Variants in GAPVD1 observed in about 807,000 individuals in gnomAD.
GAPVD1 encodes the protein GTPase activating protein and VPS9 domains 1, also known as GTPase-activating protein and VPS9 domain-containing protein 1.
In GAPVD1, 35 loss-of-function variants were observed where a neutral mutation model predicts 155.5. The observed-to-expected ratio is 0.23, with a 90% CI of 0.17 to 0.30. The LOEUF (loss-of-function observed/expected upper bound fraction) is 0.30, where lower values mean the gene tolerates loss of function less well. Ranked by LOEUF, GAPVD1 falls within the 10% of genes least tolerant of loss-of-function variation. The pLI, the probability that GAPVD1 is intolerant of heterozygous loss-of-function variation, is 1.00. For missense variants in GAPVD1, 1,429 were observed against 1,775.7 expected (o/e 0.80, Z 3.51); for synonymous variants, 636 against 619.7 (o/e 1.03, Z -0.39).
At chr9:125,304,932 C>A in intron 5 of GAPVD1, 131 bp from the exon 6 acceptor site, 1 of 507,384 alleles carries the variant, frequency 2.0e-6, no homozygotes, top group Admixed American at 3.5e-5. Context: ...TTTCATATGC[C>A]TGGTCAGGTG....
chr9:125,299,840 G>A (rs900706296), intron 4 of GAPVD1, among the ~76,000 whole-genome samples: 1 of 147,148 alleles, frequency 6.8e-6, no homozygotes, highest in African/African-American at 2.5e-5. Context: ...CCAAGATGAT[G>A]AAACCCCATC....
intron 9 of GAPVD1, among the ~76,000 whole-genome samples, chr9:125,318,766 A>G (rs971454658): frequency 2.0e-5 from 3 of 151,890 alleles, no homozygotes; most frequent in Admixed American, 1.3e-4. Flanking sequence ...AAATAAAAAA[A>G]TTTCCAGGGA....
intron 2 of GAPVD1, among the ~76,000 whole-genome samples, chr9:125,277,506 A>G (rs951461131): frequency 1.3e-5 from 2 of 152,156 alleles, no homozygotes; most frequent in Non-Finnish European, 2.9e-5. Context: ...CTGGAAAGTC[A>G]TGTATCCCTA....
chr9:125,297,594 T>C (rs956766887), intron 3 of GAPVD1, among the ~76,000 whole-genome samples: 4 of 152,158 alleles, frequency 2.6e-5, no homozygotes, highest in African/African-American at 9.7e-5. Flanking sequence ...GCAGATGTTC[T>C]GGAGCTGTGT....
rs1026586652 is a variant in GAPVD1 at position 125,333,348 on chromosome 9, G to A, written c.2428+719G>A. ...ACCTGCCTCGGCCTCCCAAAGTGCT[G>A]GGAGTACAGGTGTGAGCCACCGCAC... On this transcript the variant is annotated intron_variant, in intron 15 of 27. Coordinates refer to ENST00000297933, the MANE Select transcript of GAPVD1 (RefSeq NM_001282680.3). Among the ~76,000 whole-genome samples the A allele has an allele frequency of 6.6e-5, 10 of 151,998 alleles. 1 individual carries two copies. Among genetic ancestry groups the A allele is most frequent in the Admixed American group, 3.9e-4 (6 of 15,248 alleles).
chr9:125,332,145 T>C, intron 14 of GAPVD1, 85 bp downstream of exon 14: 2 of 1,273,492 alleles, frequency 1.6e-6, no homozygotes, highest in Non-Finnish European at 2.2e-6. Context: ...TACAAAAAGA[T>C]ATGTTATATT....
chr9:125,335,406 G>T (rs560484356), intron 15 of GAPVD1, among the ~76,000 whole-genome samples: 24 of 151,604 alleles, frequency 1.6e-4, no homozygotes, highest in Admixed American at 8.6e-4. Flanking sequence ...GGCTGGGCGC[G>T]GTGGCTCACG....
At chr9:125,351,362 T>G (rs1849270389) in intron 23 of GAPVD1, among the ~76,000 whole-genome samples, 2 of 152,294 alleles carry the variant, frequency 1.3e-5, no homozygotes, top group East Asian at 3.9e-4. Flanking sequence ...TGCCCCTTGC[T>G]TCTCCCAACT....
chr9:125,279,839 C>T (rs1171029833), intron 2 of GAPVD1, among the ~76,000 whole-genome samples: 10 of 150,700 alleles, frequency 6.6e-5, no homozygotes, highest in Admixed American at 2.6e-4. Context: ...TGGCTCCCTG[C>T]AACCTATGCT....
chr9:125,289,280 C>T (rs759822880), intron 2 of GAPVD1, among the ~76,000 whole-genome samples: 6 of 152,026 alleles, frequency 3.9e-5, no homozygotes, highest in Non-Finnish European at 5.9e-5. Flanking sequence ...CACGGGAGCC[C>T]TATGATTTGA....
At chr9:125,269,872 CA>C (rs1834603998) in intron 2 of GAPVD1, among the ~76,000 whole-genome samples, 1 of 151,630 alleles carries the variant, frequency 6.6e-6, no homozygotes, top group Non-Finnish European at 1.5e-5. Context: ...TGGCTGCCAC[CA>C]TGTCCAGCTA....
intron 2 of GAPVD1, among the ~76,000 whole-genome samples, chr9:125,290,444 C>T (rs1222567708): frequency 1.3e-5 from 2 of 152,014 alleles, no homozygotes; most frequent in Non-Finnish European, 2.9e-5. Flanking sequence ...AAAGTAAAAG[C>T]AAGTAGAAAG....
rs1190933235 is a variant in GAPVD1 at position 125,321,352 on chromosome 9, T to C, written c.1603-81T>C. The C allele has an allele frequency of 6.3e-6, 6 of 952,828 alleles. No individual in the cohort carries two copies. In the African/African-American group the frequency reaches 8.2e-5, roughly 13 times the overall value. The allele number at this position is 952,828 out of a possible 1,614,324, so 59.0% of individuals were successfully genotyped here. A position where few individuals can be genotyped will look rare whatever the true frequency, so the allele number is the denominator to read the frequency against. ...AAATTGATAATTTAAGATTAAGGAG[T>C]TAAATATGCATTTGCTGTGGTTTGT... On this transcript the variant is annotated intron_variant, in intron 9 of 27. Coordinates refer to ENST00000297933, the MANE Select transcript of GAPVD1 (RefSeq NM_001282680.3).
intron 15 of GAPVD1, among the ~76,000 whole-genome samples, chr9:125,333,411 A>T (rs2131854606): frequency 6.6e-6 from 1 of 151,478 alleles, no homozygotes; most frequent in East Asian, 2.0e-4. Flanking sequence ...CTATGCAAGA[A>T]GTAAGTACTG....
chr9:125,278,482 C>T (rs939929734), intron 2 of GAPVD1, among the ~76,000 whole-genome samples: 2 of 152,002 alleles, frequency 1.3e-5, no homozygotes, highest in African/African-American at 4.8e-5. Flanking sequence ...GATCATGCCA[C>T]TACCCTCCAG....
intron 2 of GAPVD1, 169 bp downstream of exon 2, chr9:125,269,153 G>GGCCT (rs1834466107): frequency 6.6e-6 from 1 of 151,802 alleles, no homozygotes; most frequent in African/African-American, 2.4e-5. Context: ...TCAAACTCCT[G>GGCCT]GCCTGAACAG....
intron 13 of GAPVD1, 78 bp downstream of exon 13, chr9:125,330,296 A>T: frequency 5.8e-6 from 5 of 857,820 alleles, no homozygotes; most frequent in Non-Finnish European, 6.9e-6. Context: ...ACTCTGTATT[A>T]TGTATATTTT....
At chr9:125,309,064 G>A (rs1173761738) in intron 8 of GAPVD1, 2 of 152,198 alleles carry the variant, frequency 1.3e-5, no homozygotes, top group Non-Finnish European at 2.9e-5. Context: ...GAGGAACTCA[G>A]CAACACTTAG....
At chr9:125,328,144 T>C (rs980601471) in intron 12 of GAPVD1, among the ~76,000 whole-genome samples, 2 of 151,942 alleles carry the variant, frequency 1.3e-5, no homozygotes, top group African/African-American at 4.8e-5. Context: ...TATAATAATG[T>C]TTAATACTTT....
Sources: gnomAD v4.1 joint callset for allele counts (sites outside exome capture counted in the v4.1 genomes callset) on GRCh38, gnomAD v4.1.1 for gene constraint, MANE v1.5 for transcripts, NCBI Gene and HGNC (gene_info 2026-07-23, HGNC 2026-07-21) for gene names.